Variants in CEP63 observed in about 807,000 individuals in gnomAD.
CEP63 encodes the protein centrosomal protein 63, also known as centrosomal protein of 63 kDa.
A neutral mutation model predicts 89.1 loss-of-function variants in CEP63; 84 were observed. The ratio of observed to expected loss-of-function variants is 0.94; its 90% confidence interval spans 0.79 to 1.13. The LOEUF (loss-of-function observed/expected upper bound fraction) is 1.13. Among genes scored for constraint, CEP63 ranks in the 50% most tolerant of loss-of-function variants. The probability of loss-of-function intolerance (pLI) is 0.00; values close to 1 mark genes in which losing one functional copy is unlikely to be tolerated. For synonymous variants in CEP63, 267 were observed against 272.5 expected (o/e 0.98, Z 0.20); for missense variants, 838 against 813.3 (o/e 1.03, Z -0.37).
the CEP63 span, among the ~76,000 whole-genome samples, chr3:134,710,283 G>C: frequency 3.3e-5 from 5 of 152,134 alleles, no homozygotes; most frequent in African/African-American, 1.2e-4. Flanking sequence ...CAGGAAAAAG[G>C]CTGGCTGGCC....
intron 1 of CEP63, chr3:134,486,519 G>A (rs1224729157): frequency 1.0e-6 from 1 of 985,662 alleles, no homozygotes; most frequent in Non-Finnish European, 1.2e-6. Context: ...CCCTTCCTCG[G>A]AGTCCAGGTG....
the CEP63 span, chr3:134,603,978 A>G: frequency 6.2e-7 from 1 of 1,613,930 alleles, no homozygotes; most frequent in Non-Finnish European, 8.5e-7. Flanking sequence ...ACTTGCCTGC[A>G]TGGGGCAGCT....
chr3:134,667,050 C>T, the CEP63 span, among the ~76,000 whole-genome samples: 1 of 152,198 alleles, frequency 6.6e-6, no homozygotes, highest in South Asian at 2.1e-4. Context: ...TCCTCCCCCG[C>T]GTCCTCCCCA....
At chr3:134,597,625 T>C in the CEP63 span, among the ~76,000 whole-genome samples, 1 of 152,226 alleles carries the variant, frequency 6.6e-6, no homozygotes, top group Non-Finnish European at 1.5e-5. Flanking sequence ...AGCAAGTGGC[T>C]GAGCATGATG....
the CEP63 span, among the ~76,000 whole-genome samples, chr3:134,772,925 T>G: frequency 6.6e-6 from 1 of 152,188 alleles, no homozygotes; most frequent in Admixed American, 6.5e-5. Context: ...TCTGGTAGGT[T>G]GGGAGAGCTA....
At chr3:134,685,230 A>G in the CEP63 span, among the ~76,000 whole-genome samples, 1 of 152,130 alleles carries the variant, frequency 6.6e-6, no homozygotes, top group Non-Finnish European at 1.5e-5. Flanking sequence ...ATTTATACCA[A>G]TTTAAACTAC....
chr3:134,744,626 T>G, the CEP63 span, among the ~76,000 whole-genome samples: 99 of 152,274 alleles, frequency 6.5e-4, no homozygotes, highest in African/African-American at 2.3e-3. Flanking sequence ...GTAATCCCCC[T>G]GCCTCAGTCT....
chr3:134,546,103 G>C, intron 7 of CEP63, 46 bp from the exon 8 acceptor site: 6 of 1,603,382 alleles, frequency 3.7e-6, no homozygotes, highest in South Asian at 3.4e-5. Context: ...GGTTCTGCAG[G>C]AATTAAAAAG....
the CEP63 span, chr3:134,607,899 C>G: frequency 1.0e-6 from 1 of 991,434 alleles, no homozygotes; most frequent in Non-Finnish European, 1.2e-6. Context: ...GCTTGGCCCT[C>G]ATCCAGGGGT....
At chr3:134,489,430 A>G (rs1936886365) in intron 1 of CEP63, among the ~76,000 whole-genome samples, 1 of 152,130 alleles carries the variant, frequency 6.6e-6, no homozygotes, top group Non-Finnish European at 1.5e-5. Flanking sequence ...TATTTCATTA[A>G]TTATCAGGGA....
intron 2 of CEP63, among the ~76,000 whole-genome samples, chr3:134,501,860 AC>A (rs1242454131): frequency 6.6e-6 from 1 of 152,152 alleles, no homozygotes; most frequent in Non-Finnish European, 1.5e-5. Context: ...GACATCAAGT[AC>A]TAGGTTGAGT....
the CEP63 span, among the ~76,000 whole-genome samples, chr3:134,669,691 A>G: frequency 3.3e-5 from 5 of 152,204 alleles, no homozygotes; most frequent in East Asian, 9.6e-4. Context: ...CTTTAGCTCC[A>G]TGGTTTCTGT....
At chr3:134,547,610 A>ATTTATTTTTTTT in intron 9 of CEP63, 138 bp downstream of exon 9, 6 of 226,794 alleles carry the variant, frequency 2.6e-5, no homozygotes, top group Non-Finnish European at 3.6e-5. Flanking sequence ...CTAAGTTCTT[A>ATTTATTTTTTTT]TTTCTTTTTT....
chr3:134,701,235 T>C, the CEP63 span, among the ~76,000 whole-genome samples: 2 of 142,902 alleles, frequency 1.4e-5, no homozygotes, highest in Admixed American at 7.0e-5. Context: ...TATACGTATA[T>C]ATACACACAT....
chr3:134,769,375 G>A, the CEP63 span, among the ~76,000 whole-genome samples: 5 of 152,168 alleles, frequency 3.3e-5, no homozygotes, highest in African/African-American at 1.2e-4. Context: ...CTGTTTGAGG[G>A]CCACTGGTGT....
chr3:134,487,247 T>C (rs1935897134), intron 1 of CEP63, among the ~76,000 whole-genome samples: 1 of 152,250 alleles, frequency 6.6e-6, no homozygotes, highest in Admixed American at 6.5e-5. Context: ...TATTTTCTTA[T>C]TTGGCATGCA....
the CEP63 span, among the ~76,000 whole-genome samples, chr3:134,621,436 T>C: frequency 1.3e-5 from 2 of 152,244 alleles, no homozygotes; most frequent in Non-Finnish European, 2.9e-5. Flanking sequence ...AGTGGATCTT[T>C]GACAAGGGTG....
chr3:134,779,376 G>A, the CEP63 span, among the ~76,000 whole-genome samples: 7 of 152,050 alleles, frequency 4.6e-5, no homozygotes, highest in African/African-American at 1.4e-4. Flanking sequence ...ACAATGATGG[G>A]CATTTGGTTT....
chr3:134,607,679 AG>A, the CEP63 span: 1 of 985,662 alleles, frequency 1.0e-6, no homozygotes, highest in African/African-American at 1.7e-5. Context: ...CTGGCCCTCC[AG>A]GGCAGCCCCC....
Sources: allele counts gnomAD v4.1 joint callset (sites outside exome capture counted in the v4.1 genomes callset), GRCh38; gene constraint gnomAD v4.1.1; transcripts MANE v1.5; gene names NCBI Gene and HGNC (gene_info 2026-07-23, HGNC 2026-07-21).